The following ZNF804A variants were observed in gnomAD, a reference collection of about 807,000 sequenced individuals.
The protein encoded by ZNF804A is zinc finger protein 804A.
A neutral mutation model predicts 16.5 loss-of-function variants in ZNF804A; 2 were observed. The ratio of observed to expected loss-of-function variants is 0.12; its 90% confidence interval spans 0.05 to 0.38. ZNF804A has a LOEUF of 0.38. Among genes scored for constraint, ZNF804A ranks in the 10% least tolerant of loss-of-function variants. The probability of loss-of-function intolerance (pLI) is 0.99; values close to 1 mark genes in which losing one functional copy is unlikely to be tolerated. For missense variants in ZNF804A, 1,473 were observed against 1,390.7 expected (o/e 1.06, Z -0.94); for synonymous variants, 534 against 489.6 (o/e 1.09, Z -1.20).
intron 2 of ZNF804A, among the ~76,000 whole-genome samples, chr2:184,930,109 A>G (rs767547565): frequency 9.2e-5 from 14 of 152,170 alleles, no homozygotes; most frequent in Non-Finnish European, 1.8e-4. Flanking sequence ...CTTTTAACAG[A>G]GTGACTGCTG....
rs575003503 is a variant in ZNF804A at position 184,792,222 on chromosome 2, T to C, written c.112-74147T>C. Among the ~76,000 whole-genome samples the C allele has an allele frequency of 2.5e-3, 386 of 152,280 alleles. 2 individuals carry two copies. Among genetic ancestry groups the C allele is most frequent in the Non-Finnish European group, 3.8e-3 (257 of 68,030 alleles). On this transcript the variant is annotated intron_variant, in intron 1 of 3. Coordinates refer to ENST00000302277, the MANE Select transcript of ZNF804A (RefSeq NM_194250.2). Reference sequence around the variant, plus strand: ...GATCATATGGTAAGAGTATGTTTAGTTTTGTAAGAAACCACTGAACTGTTT... The same window carrying C: ...GATCATATGGTAAGAGTATGTTTAGCTTTGTAAGAAACCACTGAACTGTTT...
intron 1 of ZNF804A, among the ~76,000 whole-genome samples, chr2:184,681,944 A>G (rs760597619): frequency 1.3e-5 from 2 of 152,216 alleles, no homozygotes; most frequent in Non-Finnish European, 2.9e-5. Context: ...TTCGGAGCAC[A>G]TATTAAGCCA....
chr2:184,925,984 G>T (rs1444771369), intron 2 of ZNF804A, among the ~76,000 whole-genome samples: 1 of 151,750 alleles, frequency 6.6e-6, no homozygotes, highest in Non-Finnish European at 1.5e-5. Flanking sequence ...TGCTGTAGTT[G>T]TTGTTTTTGA....
At chr2:184,894,932 A>AT (rs1685041863) in intron 2 of ZNF804A, among the ~76,000 whole-genome samples, 1 of 151,046 alleles carries the variant, frequency 6.6e-6, no homozygotes, top group Non-Finnish European at 1.5e-5. Flanking sequence ...TGACTTCGTG[A>AT]TCCCCCCACG....
chr2:184,921,638 C>A (rs1275483593), intron 2 of ZNF804A, among the ~76,000 whole-genome samples: 1 of 152,064 alleles, frequency 6.6e-6, no homozygotes, highest in African/African-American at 2.4e-5. Flanking sequence ...TTCAAGCAAT[C>A]CAGTTACTTT....
At chr2:184,906,281 A>G (rs1345132153) in intron 2 of ZNF804A, among the ~76,000 whole-genome samples, 1 of 152,032 alleles carries the variant, frequency 6.6e-6, no homozygotes, top group Non-Finnish European at 1.5e-5. Context: ...TAAGAAATGC[A>G]TTTCCATTTC....
At chr2:184,615,334 C>A (rs1361058955) in intron 1 of ZNF804A, among the ~76,000 whole-genome samples, 1 of 152,140 alleles carries the variant, frequency 6.6e-6, no homozygotes, top group Non-Finnish European at 1.5e-5. Flanking sequence ...CACACCTGCA[C>A]ATTCTGCACA....
intron 1 of ZNF804A, among the ~76,000 whole-genome samples, chr2:184,783,138 GTTTTTTTTT>G (rs57207733): frequency 3.5e-5 from 3 of 86,104 alleles, no homozygotes; most frequent in Non-Finnish European, 6.4e-5. Flanking sequence ...AAAAGAGTGA[GTTTTTTTTT>G]TTTTTTTTTT....
At chr2:184,873,314 T>G (rs1422746367) in intron 2 of ZNF804A, among the ~76,000 whole-genome samples, 1 of 152,084 alleles carries the variant, frequency 6.6e-6, no homozygotes, top group African/African-American at 2.4e-5. Context: ...ATAGTAACAC[T>G]TTGTCTCTAT....
At chr2:184,804,104 T>C (rs1473126844) in intron 1 of ZNF804A, among the ~76,000 whole-genome samples, 1 of 152,060 alleles carries the variant, frequency 6.6e-6, no homozygotes, top group East Asian at 1.9e-4. Flanking sequence ...GACCTCTTGA[T>C]CTCCCCACCT....
chr2:184,825,865 A>G (rs1695157238), intron 1 of ZNF804A, among the ~76,000 whole-genome samples: 1 of 151,550 alleles, frequency 6.6e-6, no homozygotes, highest in Middle Eastern at 3.2e-3. Context: ...TTTTAATTTA[A>G]TTTTATTTAT....
intron 1 of ZNF804A, among the ~76,000 whole-genome samples, chr2:184,796,117 G>C (rs1422842729): frequency 1.3e-5 from 2 of 152,030 alleles, no homozygotes; most frequent in East Asian, 3.8e-4. Context: ...GATTCAATTA[G>C]CTAGTATTGT....
In ZNF804A at chr2:184,937,599, G is replaced by T. The variant is rs1469525425; in HGVS notation, c.2203G>T (p.Asp735Tyr). Reference sequence around the variant, plus strand: ...AACCAAAATGTCAAGCTGTAGTCAGGATCACAGAAGCTTAGTTCTTCAAAA... The same window carrying T: ...AACCAAAATGTCAAGCTGTAGTCAGTATCACAGAAGCTTAGTTCTTCAAAA... ...WKTKMSSCSQDHRSLVLQNDM... is the reference protein window; with the variant it reads ...WKTKMSSCSQYHRSLVLQNDM... The change falls in exon 4 of 4, where the codon GAT (aspartate) becomes TAT (tyrosine). Residue 735 changes from aspartate to tyrosine, a missense_variant. Physicochemically the swap from Asp to Tyr is radical, Grantham distance 160. Coordinates refer to ENST00000302277, the MANE Select transcript of ZNF804A (RefSeq NM_194250.2). The T allele has an allele frequency of 6.2e-7, 1 of 1,613,408 alleles. No homozygotes were observed. Among genetic ancestry groups the T allele is most frequent in the Middle Eastern group, 1.7e-4 (1 of 6,058 alleles).
chr2:184,825,781 A>G (rs1242346144), intron 1 of ZNF804A, among the ~76,000 whole-genome samples: 3 of 152,150 alleles, frequency 2.0e-5, no homozygotes, highest in East Asian at 3.8e-4. Context: ...AAATTAATGA[A>G]TGGAATATAT....
At chr2:184,676,224 T>A (rs1010141226) in intron 1 of ZNF804A, among the ~76,000 whole-genome samples, 4 of 151,658 alleles carry the variant, frequency 2.6e-5, no homozygotes, top group Non-Finnish European at 4.4e-5. Flanking sequence ...TCAAGTAAAG[T>A]TTATTGTTAT....
intron 1 of ZNF804A, among the ~76,000 whole-genome samples, chr2:184,660,020 A>T (rs1000419689): frequency 6.6e-6 from 1 of 152,176 alleles, no homozygotes; most frequent in Non-Finnish European, 1.5e-5. Context: ...CTGAAGCAGA[A>T]GGCTCTCTTG....
intron 1 of ZNF804A, among the ~76,000 whole-genome samples, chr2:184,792,665 T>C (rs1172631155): frequency 1.3e-5 from 2 of 152,190 alleles, no homozygotes; most frequent in East Asian, 3.8e-4. Flanking sequence ...AGAAATTTAA[T>C]TTCAATGAAG....
chr2:184,856,167 T>A (rs1695683747), intron 1 of ZNF804A, among the ~76,000 whole-genome samples: 1 of 152,004 alleles, frequency 6.6e-6, no homozygotes, highest in African/African-American at 2.4e-5. Flanking sequence ...TTGTAAGCCA[T>A]GATATAAAGA....
chr2:184,878,018 A>G (rs145521898), intron 2 of ZNF804A, among the ~76,000 whole-genome samples: 44 of 152,234 alleles, frequency 2.9e-4, no homozygotes, highest in African/African-American at 9.9e-4. Flanking sequence ...TTCTGGACAG[A>G]AAGTGTCTTT....
Sources: allele counts gnomAD v4.1 joint callset (sites outside exome capture counted in the v4.1 genomes callset), GRCh38; gene constraint gnomAD v4.1.1; transcripts MANE v1.5; gene names NCBI Gene and HGNC (gene_info 2026-07-23, HGNC 2026-07-21).